VWF: variants seen among roughly 807,000 people sequenced by gnomAD.
VWF encodes Factor VIII related antigen.
A neutral mutation model predicts 308.6 loss-of-function variants in VWF; 176 were observed. That is an observed-to-expected ratio of 0.57 (90% CI 0.50 to 0.65). The LOEUF is 0.65. VWF is among the 30% of genes least tolerant of loss of function. The pLI is 0.00. For synonymous variants in VWF, 1,385 were observed against 1,443.4 expected (o/e 0.96, Z 0.92); for missense variants, 3,146 against 3,648.2 (o/e 0.86, Z 3.55).
intron 16 of VWF, among the ~76,000 whole-genome samples, chr12:6,048,867 G>A (rs1444085807): frequency 1.3e-5 from 2 of 152,194 alleles, no homozygotes; most frequent in African/African-American, 2.4e-5. Flanking sequence ...TGCAGAACCC[G>A]TGCCTTCTTC....
chr12:6,005,281 GA>G (rs553723142), intron 34 of VWF, among the ~76,000 whole-genome samples: 6 of 152,126 alleles, frequency 3.9e-5, no homozygotes, highest in South Asian at 2.1e-4. Flanking sequence ...AGTGGAATCA[GA>G]AAAAAAGTTC....
At chr12:5,949,759 C>G in intron 51 of VWF, 27 bp downstream of exon 51, 1 of 1,609,852 alleles carries the variant, frequency 6.2e-7, no homozygotes, top group Non-Finnish European at 8.5e-7. Context: ...CCTCCACACC[C>G]AGCCCTTATT....
intron 47 of VWF, among the ~76,000 whole-genome samples, chr12:5,962,479 T>C (rs927535460): frequency 4.0e-5 from 6 of 148,708 alleles, no homozygotes; most frequent in African/African-American, 1.2e-4. Flanking sequence ...ACCATAAGGA[T>C]AGACAAAGGA....
In VWF at chr12:6,019,034, G is replaced by C. The variant is rs61750090; in HGVS notation, c.4384C>G (p.Pro1462Ala). The change falls in exon 28 of 52, where the codon CCT becomes GCT. Residue 1462 changes from proline (P) to alanine (A), a missense_variant. Coordinates refer to ENST00000261405, the MANE Select transcript of VWF (RefSeq NM_000552.5). This position sits in a 1 kb window ranked among gnomAD's most constrained non-coding sequence, Gnocchi z 5.8. ...GGCAGAGTAGGAGGAGGGGCTTCAG[G>C]GGCAAGGTCACAGAGGTAGCTAACG... is the stretch of plus-strand genomic sequence containing the variant. ...EIVSYLCDLA[P>A]EAPPPTLPPD... is the part of the protein sequence containing the mutation. 25 of 1,613,766 alleles carry C rather than the reference G, an allele frequency of 1.5e-5. No homozygotes were observed. The highest frequency in any genetic ancestry group is 2.7e-5 in the African/African-American group (2 of 74,876).
chr12:6,036,463 A>G lies in VWF; in HGVS notation c.2471T>C (p.Leu824Pro). The G allele has an allele frequency of 6.2e-7, 1 of 1,614,192 alleles. No individual in the cohort carries two copies. The highest frequency in any genetic ancestry group is 1.3e-5 in the African/African-American group (1 of 75,048). Residue 824 changes from leucine (L) to proline (P), a missense_variant, in exon 19 of 52, where the codon CTG becomes CCG. Leu to Pro is a moderately conservative substitution (Grantham distance 98). Transcript: ENST00000261405. The stretch of plus-strand genomic sequence containing the variant: ...CTGATGGAAGCAGGGACACCTTTCC[A>G]GGGCCACACATCTGTTCTCATGCCG... ...MVRHENRCVA[L>P]ERCPCFHQGK...
intron 42 of VWF, among the ~76,000 whole-genome samples, chr12:5,980,059 C>T (rs1396994578): frequency 8.2e-6 from 1 of 122,326 alleles, no homozygotes; most frequent in Non-Finnish European, 1.8e-5. Context: ...AAAAGAAGAA[C>T]GAATGAAAAG....
chr12:6,105,528 G>A (rs1006390533), intron 5 of VWF, among the ~76,000 whole-genome samples: 3 of 152,008 alleles, frequency 2.0e-5, no homozygotes, highest in African/African-American at 4.8e-5. Flanking sequence ...GGGCCACCAC[G>A]CCCGGCCTTA....
chr12:6,092,886 T>A (rs2136497043), intron 6 of VWF, among the ~76,000 whole-genome samples: 1 of 152,014 alleles, frequency 6.6e-6, no homozygotes, highest in Middle Eastern at 3.4e-3. Context: ...TGCAAATGCC[T>A]CCTCCCATTA....
Position 5,976,138 on chromosome 12 carries a change from C to G in VWF, c.7410G>C (p.Gln2470His). ...VMGLRVAQCS[Q>H]KPCEDSCRSG... is the part of the protein sequence containing the mutation. ...ACCGACAGCTGTCCTCACAGGGCTT[C>G]TGGGAGCACTGGGCCACGCGGAGGC... Residue 2470 changes from glutamine to histidine, a missense_variant, in exon 43 of 52, where the codon CAG becomes CAC. This residue lies in a region of VWF where 989 missense variants were observed against 1,117.4 expected (regional missense o/e 0.89). Coordinates refer to ENST00000261405, the MANE Select transcript of VWF (RefSeq NM_000552.5). 6.2e-7 allele frequency: 1 copy of G among 1,614,008 alleles called. No homozygotes were observed. Among genetic ancestry groups the G allele is most frequent in the Non-Finnish European group, 8.5e-7 (1 of 1,180,034 alleles).
At chr12:5,953,149 C>T (rs1943212753) in intron 48 of VWF, among the ~76,000 whole-genome samples, 1 of 152,060 alleles carries the variant, frequency 6.6e-6, no homozygotes, top group South Asian at 2.1e-4. Flanking sequence ...ATCGCTTGAA[C>T]CCAGGAGGCG....
intron 3 of VWF, among the ~76,000 whole-genome samples, chr12:6,115,617 T>C (rs1342658768): frequency 6.6e-6 from 1 of 152,236 alleles, no homozygotes; most frequent in Non-Finnish European, 1.5e-5. Context: ...CCATGGCCCA[T>C]GACTCAGTTC....
At chr12:6,073,946 C>A (rs963435980) in intron 7 of VWF, among the ~76,000 whole-genome samples, 1 of 152,120 alleles carries the variant, frequency 6.6e-6, no homozygotes, top group Non-Finnish European at 1.5e-5. Context: ...TCTTGTGAGG[C>A]CCTTACCAAG....
At chr12:5,968,531 C>T (rs1346169509) in intron 45 of VWF, among the ~76,000 whole-genome samples, 2 of 152,254 alleles carry the variant, frequency 1.3e-5, no homozygotes, top group African/African-American at 4.8e-5. Context: ...CACAGTGGCT[C>T]ATGCCTGTAA....
At chr12:6,108,771 G>A (rs1272237344) in intron 5 of VWF, among the ~76,000 whole-genome samples, 1 of 152,026 alleles carries the variant, frequency 6.6e-6, no homozygotes, top group East Asian at 1.9e-4. Context: ...CACGAGGTCA[G>A]GAGTTGGAGA....
rs76627458 is a variant in VWF, at chr12:5,958,195, T to C, written c.7888-4601A>G. On this transcript the variant is annotated intron_variant, in intron 47 of 51. Coordinates refer to ENST00000261405, the MANE Select transcript of VWF (RefSeq NM_000552.5). ...GTAACAAAGAAGACAGCAGATAAAA[T>C]GAATAACAGAAGAATAGCTTTAACC... 1.3e-4 allele frequency among the ~76,000 whole-genome samples: 19 copies of C among 151,762 alleles called. No homozygotes were observed. The East Asian group carries it at 3.5e-3, about 28-fold the overall frequency.
intron 34 of VWF, among the ~76,000 whole-genome samples, chr12:6,007,015 A>G (rs891897122): frequency 3.3e-5 from 5 of 152,222 alleles, no homozygotes; most frequent in African/African-American, 1.2e-4. Flanking sequence ...ATATAGTGAT[A>G]AATGCATCAA....
At chr12:6,070,183 C>T (rs905294740) in intron 10 of VWF, among the ~76,000 whole-genome samples, 8 of 152,180 alleles carry the variant, frequency 5.3e-5, no homozygotes, top group Non-Finnish European at 1.0e-4. Context: ...ATATCCCTTT[C>T]AAGAGCAATC....
chr12:6,099,483 C>T (rs1945138889), intron 5 of VWF, among the ~76,000 whole-genome samples: 1 of 152,022 alleles, frequency 6.6e-6, no homozygotes, highest in African/African-American at 2.4e-5. Context: ...TTAGTAACTC[C>T]ATATTGAAAT....
chr12:6,029,917 T>C (rs1325181591), intron 21 of VWF, among the ~76,000 whole-genome samples: 2 of 152,176 alleles, frequency 1.3e-5, no homozygotes, highest in Non-Finnish European at 2.9e-5. Context: ...CTCTCACCTT[T>C]CTTGTATCCC....
Sources: gnomAD v4.1 joint callset for allele counts (sites outside exome capture counted in the v4.1 genomes callset) on GRCh38, gnomAD v4.1.1 for gene constraint, gnomAD v4.1.1 regional missense constraint, Gnocchi (gnomAD v3.1) non-coding constraint, MANE v1.5 for transcripts, NCBI Gene and HGNC (gene_info 2026-07-23, HGNC 2026-07-21) for gene names.